ASCC1: variants seen among roughly 807,000 people sequenced by gnomAD.
The protein encoded by ASCC1 is activating signal cointegrator 1 complex subunit 1.
ASCC1 carries 35 observed loss-of-function variants against 46.6 expected under a neutral mutation model. That is an observed-to-expected ratio of 0.75 (90% CI 0.57 to 0.99). The LOEUF is 0.99. Ranked by LOEUF, ASCC1 falls within the 50% of genes least tolerant of loss-of-function variation. The pLI is 0.00. For missense variants in ASCC1, 376 were observed against 428.7 expected (o/e 0.88, Z 1.09); for synonymous variants, 143 against 146.6 (o/e 0.98, Z 0.18).
chr10:72,107,621 C>T (rs1187278579), intron 9 of ASCC1, among the ~76,000 whole-genome samples: 1 of 152,204 alleles, frequency 6.6e-6, no homozygotes, highest in African/African-American at 2.4e-5. Context: ...AAGTCATGCT[C>T]CTCTACACAC....
chr10:72,149,683 T>C (rs1160750021), intron 7 of ASCC1, among the ~76,000 whole-genome samples: 1 of 152,218 alleles, frequency 6.6e-6, no homozygotes, highest in Admixed American at 6.6e-5. Context: ...TAATCTACCC[T>C]ATACATAGTA....
intron 9 of ASCC1, among the ~76,000 whole-genome samples, chr10:72,114,874 G>A (rs895814544): frequency 1.1e-4 from 16 of 152,084 alleles, no homozygotes; most frequent in Admixed American, 7.9e-4. Context: ...GAGGCCACAC[G>A]GATTCCACCA....
At position 72,097,032 on chromosome 10, in the gene ASCC1, T is replaced by G. The variant is rs1841165665; in HGVS notation, c.*302A>C. ...ATTAACAGTTAACGTTACTGAACTG[T>G]GCACTTAAAAATGGTGAAGACAGTA... On this transcript the variant is annotated 3_prime_UTR_variant, in exon 10 of 10. Coordinates refer to ENST00000672957, the MANE Select transcript of ASCC1 (RefSeq NM_001198800.3). 2 of 468,286 alleles carry G rather than the reference T, an allele frequency of 4.3e-6. No individual in the cohort carries two copies. Among genetic ancestry groups the G allele is most frequent in the Admixed American group, 2.3e-5 (1 of 42,954 alleles). 29.0% of individuals were successfully genotyped at this position (468,286 alleles called of 1,614,324 possible).
At chr10:72,209,881 G>A (rs1189952557) in intron 3 of ASCC1, among the ~76,000 whole-genome samples, 7 of 152,180 alleles carry the variant, frequency 4.6e-5, no homozygotes, top group Admixed American at 4.6e-4. Context: ...CCTCAGTGTT[G>A]GAAGTGGGGC....
intron 1 of ASCC1, among the ~76,000 whole-genome samples, chr10:72,214,367 C>CTTTTTTTTT (rs970289326): frequency 3.4e-5 from 3 of 88,462 alleles, no homozygotes; most frequent in Non-Finnish European, 6.3e-5. Context: ...CACAATATCT[C>CTTTTTTTTT]TTTTTTTTTT....
At chr10:72,188,410 C>T (rs1343798912) in intron 5 of ASCC1, among the ~76,000 whole-genome samples, 2 of 151,968 alleles carry the variant, frequency 1.3e-5, no homozygotes, top group African/African-American at 2.4e-5. Context: ...TGAGCCACCA[C>T]GCCCGACCTG....
chr10:72,135,360 G>C, intron 7 of ASCC1, among the ~76,000 whole-genome samples: 1 of 152,096 alleles, frequency 6.6e-6, no homozygotes, highest in East Asian at 1.9e-4. Context: ...ATGGGGGTGG[G>C]GGCACTATGT....
chr10:72,191,238 TG>T (rs1255368908), intron 5 of ASCC1, among the ~76,000 whole-genome samples: 3,449 of 145,564 alleles, frequency 0.024, 199 homozygotes, highest in African/African-American at 0.086. Context: ...TTTTTTTTTT[TG>T]TATTTTTAGT....
chr10:72,164,814 C>T (rs761806863), intron 5 of ASCC1, among the ~76,000 whole-genome samples: 5 of 152,146 alleles, frequency 3.3e-5, no homozygotes, highest in Admixed American at 2.0e-4. Context: ...AAAATGATAG[C>T]GATCCTTGTG....
At chr10:72,100,106 G>T (rs934864744) in intron 9 of ASCC1, among the ~76,000 whole-genome samples, 1 of 152,064 alleles carries the variant, frequency 6.6e-6, no homozygotes, top group African/African-American at 2.4e-5. Flanking sequence ...GACGTCCCTA[G>T]TGCCAGTGCC....
intron 5 of ASCC1, among the ~76,000 whole-genome samples, chr10:72,183,416 G>C (rs1338716150): frequency 1.3e-5 from 2 of 152,136 alleles, no homozygotes; most frequent in Non-Finnish European, 2.9e-5. Flanking sequence ...AGCACTTTGG[G>C]AGGCTGAAGC....
At chr10:72,178,871 A>G (rs1852198798) in intron 5 of ASCC1, among the ~76,000 whole-genome samples, 1 of 152,216 alleles carries the variant, frequency 6.6e-6, no homozygotes, top group Non-Finnish European at 1.5e-5. Context: ...GACATAAGCT[A>G]TAAAGAAAAA....
intron 7 of ASCC1, among the ~76,000 whole-genome samples, chr10:72,141,151 G>GA (rs1043567478): frequency 4.6e-5 from 7 of 151,820 alleles, no homozygotes; most frequent in African/African-American, 1.7e-4. Flanking sequence ...CAAGCTAAAA[G>GA]AAAAAAATTA....
At chr10:72,217,116 C>T (rs986523563), upstream of ASCC1, 1 of 451,876 alleles carries the variant, frequency 2.2e-6, no homozygotes, top group African/African-American at 2.0e-5. Context: ...GTTCTGTGCT[C>T]GGCATTGAGG....
At chr10:72,140,251 G>C (rs527956349) in intron 7 of ASCC1, among the ~76,000 whole-genome samples, 29 of 152,236 alleles carry the variant, frequency 1.9e-4, no homozygotes, top group African/African-American at 7.0e-4. Context: ...GGACAAAAGA[G>C]GAGTAATATA....
chr10:72,139,189 T>C (rs532221110), intron 7 of ASCC1, among the ~76,000 whole-genome samples: 6 of 150,736 alleles, frequency 4.0e-5, no homozygotes, highest in East Asian at 2.0e-4. Context: ...TCTCAGCTCA[T>C]TGCAACCTTC....
intron 1 of ASCC1, among the ~76,000 whole-genome samples, chr10:72,215,354 G>A (rs1299210055): frequency 6.6e-6 from 1 of 152,170 alleles, no homozygotes; most frequent in Non-Finnish European, 1.5e-5. Context: ...AGCTGAGATC[G>A]CGCCACTGCA....
At chr10:72,137,639 T>C (rs1309907466) in intron 7 of ASCC1, among the ~76,000 whole-genome samples, 1 of 152,110 alleles carries the variant, frequency 6.6e-6, no homozygotes, top group African/African-American at 2.4e-5. Flanking sequence ...TCTTAATCTT[T>C]TTCCCCAATT....
At chr10:72,204,381 C>T (rs1856911058) in intron 3 of ASCC1, 4 of 1,549,956 alleles carry the variant, frequency 2.6e-6, no homozygotes, top group African/African-American at 2.7e-5. Flanking sequence ...ATCCCCATCA[C>T]TCCCACTTAA....
Sources: gnomAD v4.1 joint callset for allele counts (sites outside exome capture counted in the v4.1 genomes callset) on GRCh38, gnomAD v4.1.1 for gene constraint, MANE v1.5 for transcripts, NCBI Gene and HGNC (gene_info 2026-07-23, HGNC 2026-07-21) for gene names.